FIGN: variants seen among roughly 807,000 people sequenced by gnomAD.
FIGN encodes the protein fidgetin.
A neutral mutation model predicts 51.3 loss-of-function variants in FIGN; 11 were observed. That is an observed-to-expected ratio of 0.21 (90% CI 0.13 to 0.35). The LOEUF is 0.35. FIGN is among the 10% of genes least tolerant of loss of function. The pLI is 1.00. For missense variants in FIGN, 857 were observed against 943.6 expected, an observed-to-expected ratio of 0.91 and a Z score of 1.20; for synonymous variants, 407 against 363.2, an observed-to-expected ratio of 1.12 and a Z score of -1.37.
chr2:163,724,502 GT>G (rs937927146), intron 2 of FIGN, among the ~76,000 whole-genome samples: 1 of 143,766 alleles, frequency 7.0e-6, no homozygotes, highest in Non-Finnish European at 1.5e-5. Context: ...TTAGGCAAAA[GT>G]TTTTTTATTA....
chr2:163,717,545 T>G (rs963070623), intron 2 of FIGN, among the ~76,000 whole-genome samples: 5 of 152,076 alleles, frequency 3.3e-5, no homozygotes, highest in African/African-American at 1.2e-4. Flanking sequence ...TAAAAAAATT[T>G]AACACCTCTG....
Position 163,716,657 on chromosome 2 carries a change from T to A in FIGN, c.25+18246A>T, listed in dbSNP as rs573111974. Among the ~76,000 whole-genome samples, 566 of 152,300 alleles carry A rather than the reference T, an allele frequency of 3.7e-3. 1 individual carries two copies. The highest frequency in any genetic ancestry group is 6.4e-3 in the Non-Finnish European group (434 of 68,002). On this transcript the variant is annotated intron_variant, in intron 2 of 2. Transcript: ENST00000333129. The stretch of plus-strand genomic sequence containing the variant: ...CTTTTGTTTGAATAACAGTTTAAAG[T>A]AAAATAAGTGTATAATTTAAACATA...
At chr2:163,651,690 G>A (rs1428397508) in intron 2 of FIGN, among the ~76,000 whole-genome samples, 6 of 152,132 alleles carry the variant, frequency 3.9e-5, no homozygotes, top group Non-Finnish European at 8.8e-5. Flanking sequence ...CTCTGCTGGT[G>A]GCCACTGTCT....
intron 2 of FIGN, among the ~76,000 whole-genome samples, chr2:163,614,418 G>T (rs1188221080): frequency 6.6e-6 from 1 of 152,138 alleles, no homozygotes; most frequent in East Asian, 1.9e-4. Context: ...ATAAAAAGGA[G>T]AGAATATTAA....
intron 2 of FIGN, among the ~76,000 whole-genome samples, chr2:163,663,813 C>CAAA (rs1383158661): frequency 3.1e-3 from 435 of 139,976 alleles, no homozygotes; most frequent in South Asian, 0.019. Context: ...ACCCGGGAGG[C>CAAA]GGAGGTTGCA....
chr2:163,699,150 T>C lies in FIGN; in HGVS notation c.25+35753A>G, dbSNP rs1684368620. 3.3e-5 allele frequency among the ~76,000 whole-genome samples: 5 copies of C among 152,282 alleles called. No homozygotes were observed. In the South Asian group the frequency reaches 1.0e-3, roughly 32 times the overall value. Reference sequence around the variant, plus strand: ...AACAATAGCTATGCAACAGGAACTTTCTAAATCTAAGAGCTTTGTGAGCTT... The same window carrying C: ...AACAATAGCTATGCAACAGGAACTTCCTAAATCTAAGAGCTTTGTGAGCTT... On this transcript the variant is annotated intron_variant, in intron 2 of 2. Transcript: ENST00000333129.
intron 2 of FIGN, among the ~76,000 whole-genome samples, chr2:163,659,404 T>G (rs530537797): frequency 1.3e-5 from 2 of 152,290 alleles, no homozygotes; most frequent in South Asian, 4.1e-4. Context: ...CCAAATGCAT[T>G]CTTTAAATGA....
At chr2:163,720,113 CT>C (rs1389162037) in intron 2 of FIGN, among the ~76,000 whole-genome samples, 1 of 152,150 alleles carries the variant, frequency 6.6e-6, no homozygotes, top group East Asian at 1.9e-4. Context: ...CTGGAAACAT[CT>C]GGGGCTACAG....
At chr2:163,654,443 A>C (rs1683527347) in intron 2 of FIGN, among the ~76,000 whole-genome samples, 1 of 152,080 alleles carries the variant, frequency 6.6e-6, no homozygotes, top group African/African-American at 2.4e-5. Flanking sequence ...TCAGGTTTTC[A>C]CTCATTTTCA....
intron 2 of FIGN, among the ~76,000 whole-genome samples, chr2:163,633,867 A>G (rs954391405): frequency 6.6e-6 from 1 of 152,182 alleles, no homozygotes; most frequent in African/African-American, 2.4e-5. Flanking sequence ...CAAACTGAAC[A>G]TGTACAAAGT....
chr2:163,695,648 C>A (rs1191116436), intron 2 of FIGN, among the ~76,000 whole-genome samples: 1 of 152,166 alleles, frequency 6.6e-6, no homozygotes, highest in Non-Finnish European at 1.5e-5. Context: ...GAACTGTGAC[C>A]ATCCTGGGCA....
At chr2:163,688,053 A>G (rs1198493709) in intron 2 of FIGN, among the ~76,000 whole-genome samples, 1 of 152,244 alleles carries the variant, frequency 6.6e-6, no homozygotes. Context: ...ACTAGTCTCC[A>G]TTGACAAAAC....
intron 2 of FIGN, among the ~76,000 whole-genome samples, chr2:163,703,647 T>C (rs1202706604): frequency 6.6e-6 from 1 of 152,096 alleles, no homozygotes; most frequent in African/African-American, 2.4e-5. Context: ...TTTTCACTAT[T>C]TGTAGGGCTC....
At chr2:163,615,024 G>A (rs777700611) in intron 2 of FIGN, among the ~76,000 whole-genome samples, 8 of 152,040 alleles carry the variant, frequency 5.3e-5, no homozygotes, top group East Asian at 1.9e-4. Flanking sequence ...ACTAAATTTC[G>A]TAAGATTTCT....
At chr2:163,714,150 C>T (rs967024867) in intron 2 of FIGN, among the ~76,000 whole-genome samples, 2 of 152,146 alleles carry the variant, frequency 1.3e-5, no homozygotes, top group Non-Finnish European at 2.9e-5. Context: ...AGTTTACCAA[C>T]ATTTTCATCA....
chr2:163,716,453 A>C (rs149805503), intron 2 of FIGN, among the ~76,000 whole-genome samples: 6 of 152,350 alleles, frequency 3.9e-5, no homozygotes, highest in Non-Finnish European at 8.8e-5. Context: ...CTAGCAATCA[A>C]AACACTGGAA....
intron 2 of FIGN, among the ~76,000 whole-genome samples, chr2:163,646,987 T>G (rs1375333509): frequency 2.0e-5 from 3 of 152,204 alleles, no homozygotes; most frequent in Non-Finnish European, 4.4e-5. Flanking sequence ...CCTTTTGGTA[T>G]AGATACAGGC....
rs896742600 is a variant in FIGN at position 163,630,045 on chromosome 2, C to G, written c.26-18239G>C. Among the ~76,000 whole-genome samples, 3 of 142,286 alleles carry G rather than the reference C, an allele frequency of 2.1e-5. No individual in the cohort carries two copies. In the East Asian group the frequency reaches 6.6e-4, roughly 31 times the overall value. The allele number at this position is 142,286 out of a possible 152,430, so 93.3% of individuals were successfully genotyped here. On this transcript the variant is annotated intron_variant, in intron 2 of 2. Coordinates refer to ENST00000333129, the MANE Select transcript of FIGN (RefSeq NM_018086.4). ...GTATAATCTTGGCTCACGGCAACCT[C>G]AACCTCCTGGTCTCAGGCAATCCTC...
rs71015599 is a variant in FIGN at position 163,660,879 on chromosome 2, ATTTTTT to A, written c.26-49079_26-49074del. On this transcript the variant is annotated intron_variant, in intron 2 of 2. Transcript: ENST00000333129. ...TATACATATATATATATATATATAT[ATTTTTT>A]TTTTTTTTTTTTTTTTTTTTGAGAT... Among the ~76,000 whole-genome samples the A allele has an allele frequency of 6.0e-4, 4 of 6,670 alleles. 1 individual carries two copies. The highest frequency in any genetic ancestry group is 7.5e-3 in the East Asian group (1 of 134). 4.4% of individuals were successfully genotyped at this position (6,670 alleles called of 152,430 possible). A position where few individuals can be genotyped will look rare whatever the true frequency, so the allele number is the denominator to read the frequency against.
Sources: allele counts gnomAD v4.1 joint callset (sites outside exome capture counted in the v4.1 genomes callset), GRCh38; gene constraint gnomAD v4.1.1; transcripts MANE v1.5; gene names NCBI Gene and HGNC (gene_info 2026-07-23, HGNC 2026-07-21).